Variants in ZNF44 observed in about 807,000 individuals in gnomAD.
ZNF44 encodes zinc finger protein 44.
A neutral mutation model predicts 11.7 loss-of-function variants in ZNF44; 9 were observed. That is an observed-to-expected ratio of 0.77 (90% CI 0.46 to 1.35). The LOEUF is 1.35. Among genes scored for constraint, ZNF44 ranks in the 40% most tolerant of loss-of-function variants. ZNF44 has a pLI of 0.00. For synonymous variants in ZNF44, 224 were observed against 242.7 expected (o/e 0.92, Z 0.72); for missense variants, 696 against 743.1 (o/e 0.94, Z 0.74).
chr19:12,267,087 TG>T (rs568234982), downstream of ZNF44, among the ~76,000 whole-genome samples: 17 of 149,612 alleles, frequency 1.1e-4, no homozygotes, highest in African/African-American at 3.2e-4. Flanking sequence ...TCGCCCAGGC[TG>T]GAGTGCAGTG....
At chr19:12,250,112 T>C (rs375263750) in intron 6 of ZNF44, 14 of 1,246,174 alleles carry the variant, frequency 1.1e-5, no homozygotes, top group African/African-American at 4.7e-5. Context: ...TCTAGGTCCA[T>C]ATGTGACCAT....
At chr19:12,249,000 C>T (rs1916875423) in intron 7 of ZNF44, among the ~76,000 whole-genome samples, 1 of 151,540 alleles carries the variant, frequency 6.6e-6, no homozygotes, top group Admixed American at 6.6e-5. Context: ...GCAACCTCTG[C>T]CACCCGGGTT....
chr19:12,239,176 G>T (rs1335367009), upstream of ZNF44, among the ~76,000 whole-genome samples: 1 of 152,128 alleles, frequency 6.6e-6, no homozygotes, highest in Non-Finnish European at 1.5e-5. Flanking sequence ...GCAGTGGCGT[G>T]ATCTCGGCTC....
intron 1 of ZNF44, chr19:12,293,220 C>T: frequency 6.5e-7 from 1 of 1,535,164 alleles, no homozygotes; most frequent in Non-Finnish European, 8.7e-7. Flanking sequence ...CCTCCCACCC[C>T]AGTGCATCCA....
At chr19:12,260,455 T>G (rs1250367976) in intron 5 of ZNF44, 7 of 1,381,362 alleles carry the variant, frequency 5.1e-6, no homozygotes, top group Non-Finnish European at 7.1e-6. Flanking sequence ...ATGGCAGCCA[T>G]CCGCAGGGTC....
chr19:12,240,971 C>T (rs1916594162), upstream of ZNF44, among the ~76,000 whole-genome samples: 1 of 152,046 alleles, frequency 6.6e-6, no homozygotes, highest in Non-Finnish European at 1.5e-5. Flanking sequence ...CACCAAAAGA[C>T]AACATACAGA....
chr19:12,294,207 C>G (rs529277438), intron 1 of ZNF44, among the ~76,000 whole-genome samples: 16 of 152,322 alleles, frequency 1.1e-4, no homozygotes, highest in African/African-American at 3.6e-4. Context: ...CACCTCCAGT[C>G]CCAAGATTCA....
intron 5 of ZNF44, among the ~76,000 whole-genome samples, chr19:12,252,171 A>G (rs1917034359): frequency 6.6e-6 from 1 of 152,242 alleles, no homozygotes; most frequent in South Asian, 2.1e-4. Flanking sequence ...GTTTCCTCCA[A>G]AAGAACATAA....
chr19:12,238,624 CAAAAAAA>C (rs760047200), upstream of ZNF44, among the ~76,000 whole-genome samples: 24 of 62,660 alleles, frequency 3.8e-4, no homozygotes, highest in South Asian at 1.3e-3. Flanking sequence ...GAGACTGTCT[CAAAAAAA>C]AAAAAAAAAA....
chr19:12,233,648 A>G (rs1477517412), intron 2 of ZNF44, among the ~76,000 whole-genome samples: 4 of 152,066 alleles, frequency 2.6e-5, no homozygotes, highest in African/African-American at 9.7e-5. Context: ...CATTATAAAT[A>G]TGTTCACAGA....
At chr19:12,247,399 C>T (rs1480764645), downstream of ZNF44, 9 of 1,310,248 alleles carry the variant, frequency 6.9e-6, no homozygotes, top group Non-Finnish European at 9.1e-6. Context: ...ACTCGAAAGC[C>T]TGTAAGGAAA....
intron 5 of ZNF44, among the ~76,000 whole-genome samples, chr19:12,257,448 G>A (rs1176853837): frequency 1.3e-5 from 2 of 151,824 alleles, no homozygotes; most frequent in Non-Finnish European, 2.9e-5. Context: ...TCAGGAGTTC[G>A]AGACCAGCCT....
At chr19:12,248,748 A>G (rs1374221367) in intron 7 of ZNF44, 3 of 958,824 alleles carry the variant, frequency 3.1e-6, no homozygotes, top group Admixed American at 7.5e-5. Context: ...TGATACTAGA[A>G]TAACTATTTT....
chr19:12,236,038 A>G (rs1198575255), intron 1 of ZNF44, among the ~76,000 whole-genome samples: 1 of 152,254 alleles, frequency 6.6e-6, no homozygotes, highest in Non-Finnish European at 1.5e-5. Flanking sequence ...ATATTTTAAA[A>G]AGAGCTATCG....
At chr19:12,235,645 C>G (rs1035444577) in intron 1 of ZNF44, among the ~76,000 whole-genome samples, 2 of 152,036 alleles carry the variant, frequency 1.3e-5, no homozygotes, top group Non-Finnish European at 2.9e-5. Context: ...TACAGGTGTA[C>G]AAGGCTGATT....
At chr19:12,285,974 ACGC>A (rs113406899) in intron 1 of ZNF44, among the ~76,000 whole-genome samples, 31,401 of 151,710 alleles carry the variant, frequency 0.21, 4,223 homozygotes, top group African/African-American at 0.39. Context: ...AGCCGAGATC[ACGC>A]CACTGCACTC....
chr19:12,261,438 A>C (rs1002755824), intron 5 of ZNF44, among the ~76,000 whole-genome samples: 2 of 152,244 alleles, frequency 1.3e-5, no homozygotes, highest in Admixed American at 6.5e-5. Flanking sequence ...GTTCAAGACC[A>C]GCCTGAGCAA....
intron 1 of ZNF44, among the ~76,000 whole-genome samples, chr19:12,286,257 A>G (rs921978837): frequency 1.3e-5 from 2 of 152,158 alleles, no homozygotes; most frequent in African/African-American, 4.8e-5. Context: ...CATTTTAGTG[A>G]TATCTTTTTG....
exon 8 of ZNF44, chr19:12,248,058 T>C (rs1279651944): frequency 6.0e-6 from 8 of 1,333,464 alleles, no homozygotes; most frequent in Non-Finnish European, 7.9e-6. Flanking sequence ...AGTTCTTTCA[T>C]GTGCTTGAAA....
Sources: allele counts gnomAD v4.1 joint callset (sites outside exome capture counted in the v4.1 genomes callset), GRCh38; gene constraint gnomAD v4.1.1; transcripts MANE v1.5; gene names NCBI Gene and HGNC (gene_info 2026-07-23, HGNC 2026-07-21).